Variants in NPAS2 observed in about 807,000 individuals in gnomAD.
NPAS2 encodes the protein neuronal PAS domain protein 2, also known as neuronal PAS domain-containing protein 2.
In NPAS2, 23 loss-of-function variants were observed where a neutral mutation model predicts 107.5. The ratio of observed to expected loss-of-function variants is 0.21; its 90% CI spans 0.15 to 0.30. The LOEUF is 0.30. Ranked by LOEUF, NPAS2 falls within the 10% of genes least tolerant of loss-of-function variation. NPAS2 has a pLI of 1.00. For synonymous variants in NPAS2, 403 were observed against 417.5 expected, an observed-to-expected ratio of 0.97 and a Z score of 0.42; for missense variants, 756 against 1,043.3, an observed-to-expected ratio of 0.72 and a Z score of 3.79.
intron 1 of NPAS2, among the ~76,000 whole-genome samples, chr2:100,859,007 G>C (rs915675689): frequency 6.6e-6 from 1 of 152,220 alleles, no homozygotes; most frequent in Non-Finnish European, 1.5e-5. Context: ...GCTCACGCCT[G>C]TAATCCCAGC....
rs538564264 is a variant in NPAS2 at position 100,911,751 on chromosome 2, C to T, written c.32+6965C>T. On this transcript the variant is annotated intron_variant, in intron 2 of 20. Coordinates refer to ENST00000335681, the MANE Select transcript of NPAS2 (RefSeq NM_002518.4). ...GGTTCAAGCCATCCTCCTGTCTCAG[C>T]CTTCTGAGTAGCTGGGATTACATGC... Among the ~76,000 whole-genome samples the T allele has an allele frequency of 3.3e-5, 5 of 152,254 alleles. No homozygotes were observed. In the South Asian group the frequency reaches 6.2e-4, roughly 19 times the overall value.
At chr2:100,975,388 G>A (rs962584472) in intron 13 of NPAS2, 70 bp from the exon 14 acceptor site, 2 of 1,356,660 alleles carry the variant, frequency 1.5e-6, no homozygotes, top group Non-Finnish European at 2.1e-6. Context: ...CCACGGTCAT[G>A]GGTCCCCTCT....
intron 1 of NPAS2, among the ~76,000 whole-genome samples, chr2:100,903,105 A>G (rs1558857160): frequency 6.6e-6 from 1 of 152,332 alleles, no homozygotes; most frequent in East Asian, 1.9e-4. Context: ...AGGAGAGTGG[A>G]CTGAGGAGCA....
At chr2:100,842,549 C>G (rs552754742) in intron 1 of NPAS2, among the ~76,000 whole-genome samples, 1 of 152,280 alleles carries the variant, frequency 6.6e-6, no homozygotes, top group South Asian at 2.1e-4. Context: ...TTTTCCCTGA[C>G]CCAGCTGCCT....
chr2:100,949,182 A>T (rs1384007537), intron 6 of NPAS2, among the ~76,000 whole-genome samples, 185 bp from the exon 7 acceptor site: 1 of 152,222 alleles, frequency 6.6e-6, no homozygotes, highest in South Asian at 2.1e-4. Flanking sequence ...ATATCTATGA[A>T]CTATGGAAGG....
At position 100,965,315 on chromosome 2, in the gene NPAS2, G is replaced by A. The variant is rs1398067525; in HGVS notation, c.801-345G>A. ...TGTTTCTTTTGTAACATTATTTGCA[G>A]TTGAAGAACTCCAAATCTCCCCTCC... On this transcript the variant is annotated intron_variant, in intron 9 of 20. Transcript: ENST00000335681. This position sits in a 1 kb window ranked among gnomAD's most constrained non-coding sequence, Gnocchi z 4.3. Among the ~76,000 whole-genome samples the A allele has an allele frequency of 6.6e-6, 1 of 152,156 alleles. No homozygotes were observed. Among genetic ancestry groups the A allele is most frequent in the African/African-American group, 2.4e-5 (1 of 41,514 alleles).
Position 100,965,620 on chromosome 2 carries a change from G to T in NPAS2, c.801-40G>T. On this transcript the variant is annotated intron_variant, in intron 9 of 20. Coordinates refer to ENST00000335681, the MANE Select transcript of NPAS2 (RefSeq NM_002518.4). This position sits in a 1 kb window ranked among gnomAD's most constrained non-coding sequence, Gnocchi z 4.3. ...GCCACCAGGGTGAGCCCTGCAGGGT[G>T]TCTCCTCCCTGATGACAAGTCCTCC... 7.1e-7 allele frequency: 1 copy of T among 1,399,868 alleles called. No individual in the cohort carries two copies. The highest frequency in any genetic ancestry group is 1.0e-6 in the Non-Finnish European group (1 of 988,108). 86.7% of individuals were successfully genotyped at this position (1,399,868 alleles called of 1,614,324 possible).
Position 100,983,335 on chromosome 2 carries a change from C to T in NPAS2, c.1629+958C>T, listed in dbSNP as rs139430992. The stretch of plus-strand genomic sequence containing the variant: ...GGCGGGTTCTGTCGGGGCACAGCGC[C>T]GTGAGCCGGTGCACGCTGAGATTAA... On this transcript the variant is annotated intron_variant, in intron 16 of 20. Coordinates refer to ENST00000335681, the MANE Select transcript of NPAS2 (RefSeq NM_002518.4). 577 of 152,478 alleles carry T rather than the reference C, an allele frequency of 3.8e-3. 5 individuals are homozygous for T. Among genetic ancestry groups the T allele is most frequent in the African/African-American group, 0.013 (542 of 41,574 alleles). The allele number at this position is 152,478 out of a possible 1,614,324, so 9.4% of individuals were successfully genotyped here. A position where few individuals can be genotyped will look rare whatever the true frequency, so the allele number is the denominator to read the frequency against.
intron 1 of NPAS2, among the ~76,000 whole-genome samples, chr2:100,838,106 G>A (rs546606914): frequency 3.3e-5 from 5 of 151,264 alleles, no homozygotes; most frequent in South Asian, 2.1e-4. Context: ...ACACAAGAAC[G>A]TGATTGTAGC....
chr2:100,944,834 C>T (rs529939434), intron 5 of NPAS2, among the ~76,000 whole-genome samples: 1 of 152,250 alleles, frequency 6.6e-6, no homozygotes, highest in African/African-American at 2.4e-5. Context: ...TATTGGCCCT[C>T]GGACCTGTAT....
At chr2:100,912,324 C>T (rs74600505) in intron 2 of NPAS2, among the ~76,000 whole-genome samples, 3,329 of 151,948 alleles carry the variant, frequency 0.022, 69 homozygotes, top group African/African-American at 0.053. Context: ...CTTTTCAGTT[C>T]CTGTCCCATC....
intron 2 of NPAS2, among the ~76,000 whole-genome samples, chr2:100,909,902 T>G (rs1483958726): frequency 6.6e-6 from 1 of 152,182 alleles, no homozygotes; most frequent in Non-Finnish European, 1.5e-5. Flanking sequence ...TGCTAATTCT[T>G]CCTGTAGCCC....
chr2:100,995,669 T>TA lies in NPAS2; in HGVS notation c.*90dup, dbSNP rs1314331700. The TA allele has an allele frequency of 3.0e-5, 46 of 1,552,754 alleles. No individual in the cohort carries two copies. The Admixed American group carries it at 8.8e-4, about 30-fold the overall frequency. Reference sequence around the variant, plus strand: ...AGGAGATGGGGAGAGGAGTCTGAACTAAACCCCTGGCTTTTGTGCACACTG... The same window carrying TA: ...AGGAGATGGGGAGAGGAGTCTGAACTAAAACCCCTGGCTTTTGTGCACACTG... On this transcript the variant is annotated 3_prime_UTR_variant, in exon 21 of 21. Transcript: ENST00000335681.
chr2:100,858,479 G>A (rs1412041641), intron 1 of NPAS2, among the ~76,000 whole-genome samples: 1 of 152,170 alleles, frequency 6.6e-6, no homozygotes, highest in Non-Finnish European at 1.5e-5. Flanking sequence ...TCACACTAAA[G>A]TTTTTGCTGT....
intron 12 of NPAS2, among the ~76,000 whole-genome samples, chr2:100,971,298 C>CAAA (rs35040339): frequency 0.14 from 14,425 of 102,182 alleles, 1,565 homozygotes; most frequent in East Asian, 0.5. Context: ...GACTCTATCT[C>CAAA]AAAAAAAAAA....
At chr2:100,995,276 A>AC in intron 20 of NPAS2, 124 bp from the exon 21 acceptor site, 3 of 763,272 alleles carry the variant, frequency 3.9e-6, no homozygotes, top group Admixed American at 2.8e-5. Flanking sequence ...TCCCCACATG[A>AC]CCCCCCAAGA....
chr2:100,980,351 C>G (rs796102214), intron 15 of NPAS2, among the ~76,000 whole-genome samples: 4 of 152,326 alleles, frequency 2.6e-5, no homozygotes, highest in African/African-American at 9.6e-5. Context: ...AGCTCGTTTG[C>G]TTTCTCCGTT....
intron 2 of NPAS2, among the ~76,000 whole-genome samples, chr2:100,907,147 C>T (rs1206798545): frequency 6.6e-6 from 1 of 152,158 alleles, no homozygotes; most frequent in Non-Finnish European, 1.5e-5. Context: ...TCCTGCACCG[C>T]TTACCTCTAA....
At chr2:100,915,532 C>T (rs1360149023) in intron 2 of NPAS2, among the ~76,000 whole-genome samples, 1 of 152,158 alleles carries the variant, frequency 6.6e-6, no homozygotes. Context: ...CAGGTCTGAA[C>T]TTCAGAATAG....
Sources: allele counts gnomAD v4.1 joint callset (sites outside exome capture counted in the v4.1 genomes callset), GRCh38; gene constraint gnomAD v4.1.1; non-coding constraint Gnocchi (gnomAD v3.1); transcripts MANE v1.5; gene names NCBI Gene and HGNC (gene_info 2026-07-23, HGNC 2026-07-21).